The following LETM2 variants were observed in gnomAD, a reference collection of about 807,000 sequenced individuals.
LETM2 encodes the protein leucine zipper and EF-hand containing transmembrane protein 2.
Under a neutral mutation model 59.6 loss-of-function variants are expected in LETM2, and 58 were observed. The observed-to-expected ratio is 0.97, with a 90% CI of 0.79 to 1.21. The LOEUF (loss-of-function observed/expected upper bound fraction) is 1.21, where lower values mean the gene tolerates loss of function less well. LETM2 is among the 50% of genes most tolerant of loss of function. LETM2 has a pLI of 0.00. For missense variants in LETM2, 572 were observed against 575.7 expected, an observed-to-expected ratio of 0.99 and a Z score of 0.07; for synonymous variants, 199 against 214.1, an observed-to-expected ratio of 0.93 and a Z score of 0.62.
At chr8:38,408,051 T>A in intron 10 of LETM2, 161 bp from the exon 11 acceptor site, 3 of 597,798 alleles carry the variant, frequency 5.0e-6, no homozygotes, top group South Asian at 4.0e-5. Flanking sequence ...ACATACCTTG[T>A]TTTTTGTAAA....
Position 38,402,516 on chromosome 8 carries a change from T to G in LETM2, c.985-9T>G. On this transcript the variant is annotated splice_polypyrimidine_tract_variant and intron_variant, in intron 6 of 10. Coordinates refer to ENST00000379957, the MANE Select transcript of LETM2 (RefSeq NM_001286819.2). ...AAAGTTCCAACTCCATCCCTTACAT[T>G]TCTTTCAGATAATTGCCAAGGAAGG... 1 of 1,613,728 alleles carries G rather than the reference T, an allele frequency of 6.2e-7. No individual in the cohort carries two copies. Among genetic ancestry groups the G allele is most frequent in the Non-Finnish European group, 8.5e-7 (1 of 1,179,662 alleles).
Position 38,404,398 on chromosome 8 carries a change from G to C in LETM2, c.1110G>C (p.Gln370His). ...EQLRQQLTEW[Q>H]DLHLKENVPP... is the part of the protein sequence containing the mutation. ...GTTCCCCTCCCGTTCTCCAGTGGCA[G>C]GACCTCCACCTGAAGGAGAACGTCC... Residue 370 changes from glutamine (Q) to histidine (H), a missense_variant, in exon 8 of 11, where the codon CAG becomes CAC. Transcript: ENST00000379957. 6.2e-7 allele frequency: 1 copy of C among 1,610,560 alleles called. No homozygotes were observed.
At position 38,392,962 on chromosome 8, in the gene LETM2, T is replaced by C. The variant is rs760426573; in HGVS notation, c.468T>C (p.His156=). 3 of 1,609,884 alleles carry C rather than the reference T, an allele frequency of 1.9e-6. No individual in the cohort carries two copies. Among genetic ancestry groups the C allele is most frequent in the Admixed American group, 1.7e-5 (1 of 60,020 alleles). Residue 156 remains histidine, a synonymous_variant, in exon 3 of 11, where the codon CAT becomes CAC. Transcript: ENST00000379957. ...VAARMVWRLL[H]GQVLTRRERR... ...CCAGAATGGTTTGGAGGCTGTTGCA[T>C]GGACAGGTCCTGACCAGACGAGAGA...
rs745904274 is a variant in LETM2, at chr8:38,408,294, GCTCA to G, written c.*24_*27del. 1.2e-3 allele frequency: 1,858 copies of G among 1,605,620 alleles called. 6 individuals carry two copies. The highest frequency in any genetic ancestry group is 1.7e-3 in the Middle Eastern group (10 of 6,044). ...GCATAAAGGACTACTTGAGGATGGA[GCTCA>G]CTCTCTTCAGCTTCCGGCCCTCAAC... is the stretch of plus-strand genomic sequence containing the variant. On this transcript the variant is annotated 3_prime_UTR_variant, in exon 11 of 11. Transcript: ENST00000379957.
chr8:38,408,528 A>C lies in LETM2; in HGVS notation c.*254A>C. On this transcript the variant is annotated 3_prime_UTR_variant, in exon 11 of 11. Coordinates refer to ENST00000379957, the MANE Select transcript of LETM2 (RefSeq NM_001286819.2). ...TTGTCACCCCACTCAACTTTGTATA[A>C]AGCCCACCCCCCATCATGTTGTTTT... 2.6e-6 allele frequency: 1 copy of C among 384,368 alleles called. No individual in the cohort carries two copies. Among genetic ancestry groups the C allele is most frequent in the Non-Finnish European group, 4.8e-6 (1 of 208,530 alleles). 23.8% of individuals were successfully genotyped at this position (384,368 alleles called of 1,614,324 possible). A position where few individuals can be genotyped will look rare whatever the true frequency, so the allele number is the denominator to read the frequency against.
chr8:38,382,711 G>T (rs948473580), upstream of LETM2: 1 of 151,638 alleles, frequency 6.6e-6, no homozygotes, highest in African/African-American at 2.4e-5. The surrounding 1 kb of genome is among the most constrained non-coding windows in gnomAD (Gnocchi z 4.2). Context: ...CACGGTCCCC[G>T]GTGGGTCACC....
chr8:38,396,879 C>G, intron 4 of LETM2: 1 of 283,304 alleles, frequency 3.5e-6, no homozygotes, highest in Non-Finnish European at 7.0e-6. Context: ...GGCCACTGCA[C>G]TGCACTCCAG....
chr8:38,392,355 G>A (rs1308454521), intron 2 of LETM2, among the ~76,000 whole-genome samples, 187 bp from the exon 3 acceptor site: 1 of 152,114 alleles, frequency 6.6e-6, no homozygotes, highest in Non-Finnish European at 1.5e-5. Flanking sequence ...AGCCCAGATG[G>A]CGTAGGTTGT....
chr8:38,383,068 A>T (rs1251555067), upstream of LETM2: 1 of 152,220 alleles, frequency 6.6e-6, no homozygotes, highest in Non-Finnish European at 1.5e-5. Context: ...GGTGCCCCCC[A>T]GCCGCGGGGG....
At chr8:38,391,126 C>T (rs532760179) in intron 2 of LETM2, among the ~76,000 whole-genome samples, 8 of 140,088 alleles carry the variant, frequency 5.7e-5, no homozygotes, top group African/African-American at 1.8e-4. Context: ...TGCAGTGAGC[C>T]GTGATCATGC....
At chr8:38,404,596 C>T (rs748981095) in intron 8 of LETM2, 90 bp downstream of exon 8, 13 of 828,566 alleles carry the variant, frequency 1.6e-5, no homozygotes, top group Non-Finnish European at 2.6e-5. Context: ...TTAGAGCAGG[C>T]ATTTCTTTTG....
rs1429357136 is a variant in LETM2, at chr8:38,409,098, C to T, written c.*824C>T. ...ATATAATCCCTGTGCTACCCAGCAA[C>T]AAGTATTACATTAGGATATTTATGC... On this transcript the variant is annotated 3_prime_UTR_variant, in exon 11 of 11. Transcript: ENST00000379957. 2 of 152,172 alleles carry T rather than the reference C, an allele frequency of 1.3e-5. No individual in the cohort carries two copies. The highest frequency in any genetic ancestry group is 2.4e-5 in the African/African-American group (1 of 41,440). 9.4% of individuals were successfully genotyped at this position (152,172 alleles called of 1,614,324 possible). A position where few individuals can be genotyped will look rare whatever the true frequency, so the allele number is the denominator to read the frequency against.
At chr8:38,398,011 G>A (rs998650081) in intron 4 of LETM2, among the ~76,000 whole-genome samples, 7 of 151,868 alleles carry the variant, frequency 4.6e-5, no homozygotes, top group East Asian at 3.9e-4. Context: ...ATGGTGGCAC[G>A]TGCCTGTAGT....
chr8:38,400,189 G>A, intron 4 of LETM2, 83 bp from the exon 5 acceptor site: 4 of 1,078,604 alleles, frequency 3.7e-6, no homozygotes, highest in South Asian at 3.1e-5. Flanking sequence ...GCAATAACAA[G>A]GAGACAGTTA....
chr8:38,394,009 C>T (rs948799446), intron 3 of LETM2, 89 bp from the exon 4 acceptor site: 3 of 1,092,622 alleles, frequency 2.7e-6, no homozygotes, highest in African/African-American at 1.6e-5. Flanking sequence ...GAAAATGAAA[C>T]AAGACAGGGT....
intron 9 of LETM2, 27 bp downstream of exon 9, chr8:38,407,065 A>G: frequency 7.0e-7 from 1 of 1,426,358 alleles, no homozygotes; most frequent in Non-Finnish European, 9.8e-7. Flanking sequence ...CCATTTGGTT[A>G]ATTAGATTAA....
chr8:38,400,466 C>A, intron 5 of LETM2, 57 bp downstream of exon 5: 7 of 1,488,964 alleles, frequency 4.7e-6, no homozygotes, highest in Non-Finnish European at 6.3e-6. Flanking sequence ...CTATGAAAAA[C>A]GCATGTCATC....
intron 4 of LETM2, among the ~76,000 whole-genome samples, chr8:38,398,356 C>G (rs961541015): frequency 1.3e-5 from 2 of 152,162 alleles, no homozygotes; most frequent in Admixed American, 6.5e-5. Flanking sequence ...TACCTCTTTC[C>G]TGAACACCAC....
chr8:38,397,865 C>T (rs564146905), intron 4 of LETM2, among the ~76,000 whole-genome samples: 38 of 152,072 alleles, frequency 2.5e-4, no homozygotes, highest in African/African-American at 9.2e-4. Flanking sequence ...GAAGGCCGGG[C>T]GTGGTGGCTC....
Sources: allele counts gnomAD v4.1 joint callset (sites outside exome capture counted in the v4.1 genomes callset), GRCh38; gene constraint gnomAD v4.1.1; non-coding constraint Gnocchi (gnomAD v3.1); transcripts MANE v1.5; gene names NCBI Gene and HGNC (gene_info 2026-07-23, HGNC 2026-07-21).